Variants in TTC29 observed in about 807,000 individuals in gnomAD.
TTC29 encodes tetratricopeptide repeat protein 29.
TTC29 carries 49 observed loss-of-function variants against 58.1 expected under a neutral mutation model. That is an observed-to-expected ratio of 0.84 (90% CI 0.67 to 1.07). TTC29 has a LOEUF of 1.07. Ranked by LOEUF, TTC29 falls within the 50% of genes least tolerant of loss-of-function variation. The pLI is 0.00. For missense variants in TTC29, 582 were observed against 555.6 expected (o/e 1.05, Z -0.48); for synonymous variants, 209 against 196.8 (o/e 1.06, Z -0.52).
intron 11 of TTC29, among the ~76,000 whole-genome samples, chr4:146,733,583 T>A (rs1490947841): frequency 6.6e-6 from 1 of 152,136 alleles, no homozygotes; most frequent in Non-Finnish European, 1.5e-5. Context: ...CTACTTTATG[T>A]TAGTGTGTTG....
At position 146,903,539 on chromosome 4, in the gene TTC29, C is replaced by T. The variant is rs1160017082; in HGVS notation, c.586+5G>A. The T allele has an allele frequency of 6.3e-7, 1 of 1,594,890 alleles. No individual in the cohort carries two copies. The highest frequency in any genetic ancestry group is 1.7e-5 in the Admixed American group (1 of 57,888). ...CCCAAGGCATCCTGGCAAATGCCCA[C>T]TCACCATCTTCCTCGTAGAGAAGAC... On this transcript the variant is annotated splice_donor_5th_base_variant and intron_variant, in intron 6 of 12. Coordinates refer to ENST00000325106, the MANE Select transcript of TTC29 (RefSeq NM_031956.4).
chr4:146,864,728 C>G (rs1011869947), intron 8 of TTC29, among the ~76,000 whole-genome samples: 8 of 152,096 alleles, frequency 5.3e-5, no homozygotes, highest in African/African-American at 1.9e-4. Flanking sequence ...CTGCCCTTGT[C>G]TTCACATGGT....
chr4:146,941,418 A>T (rs1736375347), intron 2 of TTC29, among the ~76,000 whole-genome samples: 1 of 152,246 alleles, frequency 6.6e-6, no homozygotes, highest in African/African-American at 2.4e-5. Context: ...GGTGCCAAAG[A>T]TACAGCAGTG....
chr4:146,772,879 T>C (rs1747837512), intron 11 of TTC29, among the ~76,000 whole-genome samples: 1 of 152,122 alleles, frequency 6.6e-6, no homozygotes, highest in African/African-American at 2.4e-5. Flanking sequence ...TTTTCATTTG[T>C]GTTATCTCTG....
intron 4 of TTC29, among the ~76,000 whole-genome samples, chr4:146,936,695 T>C (rs1324679820): frequency 6.6e-6 from 1 of 152,054 alleles, no homozygotes; most frequent in Admixed American, 6.6e-5. Flanking sequence ...TTGACAAAGA[T>C]AATATCTGAT....
At chr4:146,855,245 C>A (rs1385971763) in intron 8 of TTC29, among the ~76,000 whole-genome samples, 1 of 152,084 alleles carries the variant, frequency 6.6e-6, no homozygotes, top group East Asian at 1.9e-4. Context: ...CCAGCCTGGC[C>A]AACATGGCAA....
chr4:146,790,386 A>C (rs987683017), intron 11 of TTC29, among the ~76,000 whole-genome samples: 1 of 151,810 alleles, frequency 6.6e-6, no homozygotes, highest in Non-Finnish European at 1.5e-5. Flanking sequence ...ACAGGGTTTC[A>C]CCATGTTGGC....
At position 146,909,011 on chromosome 4, in the gene TTC29, A is replaced by G. The variant is rs777954561; in HGVS notation, c.400+15T>C. ...CTGGCTCCTTCTGTGCTCTGCCCAC[A>G]GTCCCACCACTTACCTTTCCTCTCA... is the stretch of plus-strand genomic sequence containing the variant. On this transcript the variant is annotated intron_variant, in intron 5 of 12. Transcript: ENST00000325106. 12 of 1,609,296 alleles carry G rather than the reference A, an allele frequency of 7.5e-6. No individual in the cohort carries two copies. In the Admixed American group the frequency reaches 2.0e-4, roughly 27 times the overall value.
intron 10 of TTC29, among the ~76,000 whole-genome samples, 200 bp downstream of exon 10, chr4:146,819,925 A>G (rs56374322): frequency 0.38 from 57,365 of 152,020 alleles, 11,720 homozygotes; most frequent in African/African-American, 0.51. Context: ...TGGCCCTAAG[A>G]TATTGGAAAA....
chr4:146,721,098 A>G (rs896336358), intron 11 of TTC29, among the ~76,000 whole-genome samples: 3 of 152,144 alleles, frequency 2.0e-5, no homozygotes, highest in African/African-American at 7.2e-5. Context: ...TTTTATGTAC[A>G]ATTTCTTAAA....
At chr4:146,711,749 C>CTGA (rs1289183453) in intron 11 of TTC29, among the ~76,000 whole-genome samples, 1 of 152,042 alleles carries the variant, frequency 6.6e-6, no homozygotes, top group Non-Finnish European at 1.5e-5. Flanking sequence ...TTCTCTCTCA[C>CTGA]TGATAGTAAA....
intron 11 of TTC29, among the ~76,000 whole-genome samples, chr4:146,731,688 T>C (rs201800505): frequency 3.9e-4 from 59 of 152,300 alleles, no homozygotes; most frequent in South Asian, 2.3e-3. Flanking sequence ...AGTTGACAAA[T>C]TGGGAAAATT....
chr4:146,789,537 C>T (rs1240732131), intron 11 of TTC29, among the ~76,000 whole-genome samples: 3 of 152,276 alleles, frequency 2.0e-5, no homozygotes, highest in East Asian at 1.9e-4. Flanking sequence ...TCTTAAAATA[C>T]TTGTTCATAT....
chr4:146,721,602 TAGA>T (rs1347459015), intron 11 of TTC29, among the ~76,000 whole-genome samples: 1 of 152,152 alleles, frequency 6.6e-6, no homozygotes, highest in Non-Finnish European at 1.5e-5. Flanking sequence ...AGTTGGCACA[TAGA>T]AGGTGACCGT....
At chr4:146,810,858 C>T (rs893689848) in intron 10 of TTC29, among the ~76,000 whole-genome samples, 12 of 151,272 alleles carry the variant, frequency 7.9e-5, no homozygotes, top group African/African-American at 2.9e-4. Flanking sequence ...TCCCAAAGTG[C>T]TGGGATTACT....
At position 146,939,906 on chromosome 4, in the gene TTC29, A is replaced by C. The variant is rs1279673412; in HGVS notation, c.-6-5T>G. ...GGGCAGGGTGGTCATTTCGGACTAC[A>C]AAAAGAAATAAGTAGAAATTGTATT... On this transcript the variant is annotated splice_polypyrimidine_tract_variant and splice_region_variant and intron_variant, in intron 2 of 12. Coordinates refer to ENST00000325106, the MANE Select transcript of TTC29 (RefSeq NM_031956.4). 1 of 1,600,606 alleles carries C rather than the reference A, an allele frequency of 6.2e-7. No homozygotes were observed. The highest frequency in any genetic ancestry group is 1.1e-5 in the South Asian group (1 of 88,988).
chr4:146,910,830 T>A (rs978856013), intron 4 of TTC29, among the ~76,000 whole-genome samples: 4 of 152,140 alleles, frequency 2.6e-5, no homozygotes, highest in African/African-American at 7.2e-5. Context: ...ATAAGATATA[T>A]TTGAAATGGG....
At chr4:146,737,320 G>T (rs1373529377) in intron 11 of TTC29, among the ~76,000 whole-genome samples, 2 of 152,142 alleles carry the variant, frequency 1.3e-5, no homozygotes, top group African/African-American at 4.8e-5. Flanking sequence ...GGCTTGGAAA[G>T]TGACTGAAAT....
intron 7 of TTC29, 55 bp downstream of exon 7, chr4:146,874,661 G>A: frequency 7.3e-7 from 1 of 1,369,254 alleles, no homozygotes; most frequent in Non-Finnish European, 1.0e-6. Flanking sequence ...ACTCTTGGGA[G>A]AAACAGTGTC....
Sources: allele counts gnomAD v4.1 joint callset (sites outside exome capture counted in the v4.1 genomes callset), GRCh38; gene constraint gnomAD v4.1.1; transcripts MANE v1.5; gene names NCBI Gene and HGNC (gene_info 2026-07-23, HGNC 2026-07-21).